Variants in EGF observed in about 807,000 individuals in gnomAD.
EGF encodes pro-epidermal growth factor.
A neutral mutation model predicts 143.8 loss-of-function variants in EGF; 95 were observed. The ratio of observed to expected loss-of-function variants is 0.66; its 90% CI spans 0.56 to 0.78. The LOEUF is 0.78. Ranked by LOEUF, EGF falls within the 30% of genes least tolerant of loss-of-function variation. EGF has a pLI of 0.00. For synonymous variants in EGF, 510 were observed against 510.5 expected (o/e 1.00, Z 0.01); for missense variants, 1,320 against 1,470.9 (o/e 0.90, Z 1.68).
chr4:109,990,410 C>T (rs1033548442), intron 18 of EGF, among the ~76,000 whole-genome samples: 1 of 152,048 alleles, frequency 6.6e-6, no homozygotes, highest in Non-Finnish European at 1.5e-5. Flanking sequence ...GAGGAAGTGT[C>T]ATTTTGGAAG....
intron 22 of EGF, among the ~76,000 whole-genome samples, chr4:110,006,047 GA>G (rs36052471): frequency 0.16 from 24,591 of 151,878 alleles, 3,699 homozygotes; most frequent in African/African-American, 0.39. Context: ...AAGTATGGGG[GA>G]AAAAAATAGA....
rs372259073 is a variant in EGF, at chr4:109,924,206, C to T, written c.127+10744C>T. Among the ~76,000 whole-genome samples, 54 of 151,726 alleles carry T rather than the reference C, an allele frequency of 3.6e-4. 1 individual carries two copies. The highest frequency in any genetic ancestry group is 1.2e-3 in the African/African-American group (50 of 41,004). On this transcript the variant is annotated intron_variant, in intron 1 of 23. Transcript: ENST00000265171. ...GATCTAGACAGATGAAGTAGCTTCT[C>T]AGGTCCTATGAGAATATAGCTCAGG...
At chr4:109,927,480 T>C (rs1339724371) in intron 1 of EGF, among the ~76,000 whole-genome samples, 1 of 152,004 alleles carries the variant, frequency 6.6e-6, no homozygotes, top group Non-Finnish European at 1.5e-5. Flanking sequence ...ATCCTAGCAC[T>C]TTGAGAGGCC....
chr4:109,980,428 G>A (rs1377463544), intron 14 of EGF, among the ~76,000 whole-genome samples: 2 of 152,154 alleles, frequency 1.3e-5, no homozygotes, highest in Non-Finnish European at 2.9e-5. Context: ...GGCAGTGGAA[G>A]CTTCTGTCGA....
At position 109,963,227 on chromosome 4, in the gene EGF, C is replaced by G; in HGVS notation, c.1367C>G (p.Pro456Arg). ...GCSQLCVPLS[P>R]VSWECDCFPG... ...AGCCAGCTCTGCGTTCCTCTTAGCC[C>G]AGTATCCTGGGAATGTGATTGCTTT... is the stretch of plus-strand genomic sequence containing the variant. Residue 456 changes from proline to arginine, a missense_variant, in exon 9 of 24, where the codon CCA becomes CGA. This residue lies in a region of EGF where 1,186 missense variants were observed against 1,313.7 expected (regional missense o/e 0.90). Coordinates refer to ENST00000265171, the MANE Select transcript of EGF (RefSeq NM_001963.6). The G allele has an allele frequency of 1.2e-6, 2 of 1,613,960 alleles. No homozygotes were observed. The highest frequency in any genetic ancestry group is 1.7e-6 in the Non-Finnish European group (2 of 1,179,954).
At chr4:110,009,613 T>C (rs538422494) in intron 23 of EGF, among the ~76,000 whole-genome samples, 110 of 152,246 alleles carry the variant, frequency 7.2e-4, no homozygotes, top group African/African-American at 2.5e-3. Context: ...ATTTGACCCA[T>C]TCTCTGTGGG....
chr4:110,011,685 A>T lies in EGF; in HGVS notation c.*230A>T. On this transcript the variant is annotated 3_prime_UTR_variant, in exon 24 of 24. Transcript: ENST00000265171. ...TACTGGGAGAATCACTAGGTAACTT[A>T]TTAGAAACCCAAATTGGGACAACAG... The T allele has an allele frequency of 1.6e-6, 1 of 615,284 alleles. No individual in the cohort carries two copies. The highest frequency in any genetic ancestry group is 2.8e-6 in the Non-Finnish European group (1 of 362,598). 38.1% of individuals were successfully genotyped at this position (615,284 alleles called of 1,614,324 possible). A position where few individuals can be genotyped will look rare whatever the true frequency, so the allele number is the denominator to read the frequency against.
chr4:109,961,881 G>T lies in EGF; in HGVS notation c.1208G>T (p.Arg403Leu), dbSNP rs377385617. 6.2e-7 allele frequency: 1 copy of T among 1,613,748 alleles called. No individual in the cohort carries two copies. Among genetic ancestry groups the T allele is most frequent in the Admixed American group, 1.7e-5 (1 of 59,992 alleles). Residue 403 changes from arginine (R) to leucine (L), a missense_variant, in exon 8 of 24, where the codon CGC (arginine) becomes CTC (leucine). This residue lies in a region of EGF where 1,186 missense variants were observed against 1,313.7 expected (regional missense o/e 0.90). Transcript: ENST00000265171. ...TAATTAGAACTTGTTTCCTGTCCAC[G>T]CAATGTGTCTGAATGCAGCCATGAC... ...KRCHQLVSCP[R>L]NVSECSHDCV...
intron 5 of EGF, among the ~76,000 whole-genome samples, chr4:109,947,430 C>T (rs546248853): frequency 8.6e-5 from 13 of 151,216 alleles, no homozygotes; most frequent in South Asian, 2.1e-4. Flanking sequence ...GCTGGAGTGC[C>T]GTGGCACAAT....
chr4:109,914,090 C>T (rs2125915554), intron 1 of EGF, among the ~76,000 whole-genome samples: 1 of 152,320 alleles, frequency 6.6e-6, no homozygotes, highest in Admixed American at 6.5e-5. Flanking sequence ...ATAAGCCACA[C>T]TGTCCTCTCA....
At chr4:109,920,045 T>A (rs1737499131) in intron 1 of EGF, among the ~76,000 whole-genome samples, 1 of 151,582 alleles carries the variant, frequency 6.6e-6, no homozygotes, top group Non-Finnish European at 1.5e-5. Flanking sequence ...ATGCATAGGT[T>A]TCATTTAACA....
intron 1 of EGF, among the ~76,000 whole-genome samples, chr4:109,938,448 A>T (rs1043562503): frequency 2.0e-5 from 3 of 152,036 alleles, no homozygotes; most frequent in South Asian, 2.1e-4. Flanking sequence ...CTTCCTTGCG[A>T]TGGGTTAGAA....
chr4:109,913,602 C>A (rs1736082609), intron 1 of EGF, 140 bp downstream of exon 1: 3 of 1,252,228 alleles, frequency 2.4e-6, no homozygotes, highest in Non-Finnish European at 3.4e-6. Flanking sequence ...TTTTCTGATG[C>A]ATGTTTATTT....
At chr4:109,976,928 G>T (rs1416894506) in intron 13 of EGF, among the ~76,000 whole-genome samples, 7 of 152,270 alleles carry the variant, frequency 4.6e-5, no homozygotes, top group Middle Eastern at 3.4e-3. Context: ...GAATGTTCTT[G>T]CACATAAAAT....
At position 109,989,194 on chromosome 4, in the gene EGF, G is replaced by A. The variant is rs547630040; in HGVS notation, c.2734+485G>A. Among the ~76,000 whole-genome samples, 174 of 152,328 alleles carry A rather than the reference G, an allele frequency of 1.1e-3. 2 individuals are homozygous for A. Among genetic ancestry groups the A allele is most frequent in the Admixed American group, 0.011 (170 of 15,300 alleles). The stretch of plus-strand genomic sequence containing the variant: ...TTCTTGATAAGTTCAATAGGTGGGA[G>A]AGTCAAGCCACTGACGTTGAAATAC... On this transcript the variant is annotated intron_variant, in intron 18 of 23. Transcript: ENST00000265171.
chr4:109,940,817 C>T (rs1741801232), intron 1 of EGF, 129 bp from the exon 2 acceptor site: 3 of 953,218 alleles, frequency 3.1e-6, no homozygotes, highest in Admixed American at 4.1e-5. Context: ...TATAAATAGA[C>T]TTTATTTTAA....
chr4:110,004,751 C>T lies in EGF; in HGVS notation c.3291+129C>T, dbSNP rs895116049. Reference sequence around the variant, plus strand: ...GCTTCCAGCTGGTGTCAGTGTTAGCCAAGACCACATCAGCTAGGGAGGTCC... The same window carrying T: ...GCTTCCAGCTGGTGTCAGTGTTAGCTAAGACCACATCAGCTAGGGAGGTCC... On this transcript the variant is annotated intron_variant, in intron 22 of 23. Transcript: ENST00000265171. 1.4e-5 allele frequency: 6 copies of T among 415,158 alleles called. No homozygotes were observed. In the African/African-American group the frequency reaches 1.6e-4, roughly 11 times the overall value. 25.7% of individuals were successfully genotyped at this position (415,158 alleles called of 1,614,324 possible).
Position 109,980,048 on chromosome 4 carries a change from A to T in EGF, c.2130A>T (p.Val710=). ...GGGCTATGCCATCAGTAATGAGAGT[A>T]AACAAGAGGACTGGCAAAGATAGAG... ...SDWAMPSVMR[V]NKRTGKDRVR... Residue 710 remains valine, a synonymous_variant, in exon 14 of 24, where the codon GTA becomes GTT. Transcript: ENST00000265171. The T allele has an allele frequency of 6.2e-7, 1 of 1,614,056 alleles. No homozygotes were observed. Among genetic ancestry groups the T allele is most frequent in the African/African-American group, 1.3e-5 (1 of 75,040 alleles).
chr4:109,962,012 T>C lies in EGF; in HGVS notation c.1312+27T>C, dbSNP rs759904702. 3.1e-6 allele frequency: 5 copies of C among 1,612,806 alleles called. 1 individual carries two copies. In the South Asian group the frequency reaches 5.5e-5, roughly 18 times the overall value. On this transcript the variant is annotated intron_variant, in intron 8 of 23. Coordinates refer to ENST00000265171, the MANE Select transcript of EGF (RefSeq NM_001963.6). ...TGAGTTTATTTGCTTTATTTACCTTTTGTTTGTTTGAAAACATACATTTGC... is the reference window on the plus strand; with the variant it reads ...TGAGTTTATTTGCTTTATTTACCTTCTGTTTGTTTGAAAACATACATTTGC...
Sources: gnomAD v4.1 joint callset for allele counts (sites outside exome capture counted in the v4.1 genomes callset) on GRCh38, gnomAD v4.1.1 for gene constraint, gnomAD v4.1.1 regional missense constraint, MANE v1.5 for transcripts, NCBI Gene and HGNC (gene_info 2026-07-23, HGNC 2026-07-21) for gene names.